KCNH1: variants seen among roughly 807,000 people sequenced by gnomAD.
The protein encoded by KCNH1 is potassium voltage-gated channel subfamily H member 1, also known as voltage-gated delayed rectifier potassium channel KCNH1.
In KCNH1, 27 loss-of-function variants were observed where a neutral mutation model predicts 69.2. That is an observed-to-expected ratio of 0.39 (90% CI 0.29 to 0.54). KCNH1 has a LOEUF of 0.54. KCNH1 is among the 20% of genes least tolerant of loss of function. The pLI is 0.68. For synonymous variants in KCNH1, 456 were observed against 487.7 expected (o/e 0.93, Z 0.86); for missense variants, 798 against 1,261.6 (o/e 0.63, Z 5.57).
intron 6 of KCNH1, among the ~76,000 whole-genome samples, chr1:211,010,587 C>CT (rs760291171): frequency 1.3e-5 from 2 of 152,180 alleles, no homozygotes; most frequent in Non-Finnish European, 2.9e-5. Flanking sequence ...AAATGCTCTA[C>CT]TTCCTCCTCA....
At chr1:211,017,212 GGTAATA>G (rs1404509415) in intron 6 of KCNH1, among the ~76,000 whole-genome samples, 1 of 152,132 alleles carries the variant, frequency 6.6e-6, no homozygotes, top group Non-Finnish European at 1.5e-5. Context: ...AAAGAGAAGT[GGTAATA>G]GTTCTGTTTT....
intron 9 of KCNH1, among the ~76,000 whole-genome samples, chr1:210,781,457 C>T (rs1053639067): frequency 6.6e-6 from 1 of 152,112 alleles, no homozygotes; most frequent in Non-Finnish European, 1.5e-5. Context: ...TCATTCACTT[C>T]ATCAGGATGA....
Position 210,682,724 on chromosome 1 carries a change from G to T in KCNH1, c.*557C>A, listed in dbSNP as rs1262714771. On this transcript the variant is annotated 3_prime_UTR_variant, in exon 11 of 11. Transcript: ENST00000271751. Reference sequence around the variant, plus strand: ...TCTGGCCTTAACCATGAGACAGAAAGTTTCTGAGCTCTACCCTCCTGTCCC... The same window carrying T: ...TCTGGCCTTAACCATGAGACAGAAATTTTCTGAGCTCTACCCTCCTGTCCC... 1 of 153,454 alleles carries T rather than the reference G, an allele frequency of 6.5e-6. No individual in the cohort carries two copies. Among genetic ancestry groups the T allele is most frequent in the Non-Finnish European group, 1.5e-5 (1 of 68,962 alleles). 9.5% of individuals were successfully genotyped at this position (153,454 alleles called of 1,614,324 possible). A position where few individuals can be genotyped will look rare whatever the true frequency, so the allele number is the denominator to read the frequency against.
chr1:211,114,097 C>T (rs191471779), intron 1 of KCNH1, among the ~76,000 whole-genome samples: 75 of 152,160 alleles, frequency 4.9e-4, no homozygotes, highest in African/African-American at 1.5e-3. Flanking sequence ...AACATAAGTT[C>T]GCCAGCTGTG....
intron 7 of KCNH1, chr1:210,859,739 T>C: frequency 2.7e-6 from 3 of 1,106,082 alleles, no homozygotes; most frequent in Middle Eastern, 2.3e-4. Flanking sequence ...CCTTGGGGTA[T>C]CTGTTCCATA....
intron 7 of KCNH1, among the ~76,000 whole-genome samples, chr1:210,903,960 A>G (rs2102539482): frequency 6.6e-6 from 1 of 152,304 alleles, no homozygotes; most frequent in East Asian, 1.9e-4. Context: ...TAGCCAAGCC[A>G]AGGACACCTA....
intron 7 of KCNH1, among the ~76,000 whole-genome samples, chr1:210,821,922 G>T (rs908891987): frequency 6.6e-6 from 1 of 151,592 alleles, no homozygotes; most frequent in Non-Finnish European, 1.5e-5. Flanking sequence ...TTGCAGCCTC[G>T]AACTCCGTGG....
At chr1:210,996,188 C>T (rs1387400101) in intron 6 of KCNH1, among the ~76,000 whole-genome samples, 4 of 152,120 alleles carry the variant, frequency 2.6e-5, no homozygotes, top group Admixed American at 6.5e-5. Flanking sequence ...GGTGAGGCAT[C>T]GCCTCACTCG....
chr1:210,853,962 A>AG (rs60810105), intron 7 of KCNH1, among the ~76,000 whole-genome samples: 1 of 150,342 alleles, frequency 6.7e-6, no homozygotes, highest in East Asian at 1.9e-4. Context: ...AAAAAAAAAA[A>AG]AAAAAAGAAA....
At chr1:210,725,014 T>C (rs772244199) in intron 10 of KCNH1, among the ~76,000 whole-genome samples, 3 of 152,196 alleles carry the variant, frequency 2.0e-5, no homozygotes, top group Non-Finnish European at 4.4e-5. Flanking sequence ...GGAGCCACCA[T>C]GGACACTTTA....
At chr1:211,127,746 C>T (rs888562170) in intron 1 of KCNH1, among the ~76,000 whole-genome samples, 18 of 152,234 alleles carry the variant, frequency 1.2e-4, no homozygotes, top group Admixed American at 3.9e-4. Flanking sequence ...GTGATAGAAA[C>T]GCTCACACAC....
chr1:210,995,268 C>A (rs148870687), intron 6 of KCNH1, among the ~76,000 whole-genome samples: 106 of 152,106 alleles, frequency 7.0e-4, no homozygotes, highest in African/African-American at 2.3e-3. Context: ...TCCTTTTTTC[C>A]CCTTGGAACA....
chr1:210,986,905 T>C (rs1226360025), intron 6 of KCNH1, among the ~76,000 whole-genome samples: 1 of 152,260 alleles, frequency 6.6e-6, no homozygotes, highest in Admixed American at 6.5e-5. Flanking sequence ...ATTCTCCCCA[T>C]CACTTTCAGG....
At position 210,959,420 on chromosome 1, in the gene KCNH1, G is replaced by A. The variant is rs944153350; in HGVS notation, c.1033-39351C>T. The stretch of plus-strand genomic sequence containing the variant: ...GGCCGTCCGTTCTCAGAGCTCAAAC[G>A]CCATGCTGGGAGAACCACTGCTCTC... On this transcript the variant is annotated intron_variant, in intron 6 of 10. Coordinates refer to ENST00000271751, the MANE Select transcript of KCNH1 (RefSeq NM_172362.3). Among the ~76,000 whole-genome samples the A allele has an allele frequency of 6.6e-5, 10 of 152,288 alleles. No individual in the cohort carries two copies. In the South Asian group the frequency reaches 8.3e-4, roughly 13 times the overall value.
intron 5 of KCNH1, among the ~76,000 whole-genome samples, chr1:211,056,002 T>C (rs1208048162): frequency 6.6e-6 from 1 of 152,054 alleles, no homozygotes; most frequent in East Asian, 1.9e-4. Flanking sequence ...CTGTGGTGGC[T>C]ATGGGGAGAG....
chr1:211,116,182 A>C (rs958536574), intron 1 of KCNH1, among the ~76,000 whole-genome samples: 1 of 152,174 alleles, frequency 6.6e-6, no homozygotes, highest in Non-Finnish European at 1.5e-5. Flanking sequence ...AATAGAAAAA[A>C]TATCCTAAAA....
intron 7 of KCNH1, among the ~76,000 whole-genome samples, chr1:210,899,643 T>G (rs2102533762): frequency 6.6e-6 from 1 of 152,326 alleles, no homozygotes; most frequent in East Asian, 1.9e-4. Flanking sequence ...AGACAAGCTC[T>G]CAAAATGTAT....
intron 6 of KCNH1, among the ~76,000 whole-genome samples, chr1:210,957,297 GTTC>G (rs1254890255): frequency 5.3e-5 from 8 of 152,122 alleles, no homozygotes; most frequent in African/African-American, 1.7e-4. Flanking sequence ...TGTGATTTCT[GTTC>G]TTCTACATTT....
At chr1:210,775,320 T>C (rs757543245) in intron 10 of KCNH1, 28 bp downstream of exon 10, 5 of 1,601,330 alleles carry the variant, frequency 3.1e-6, no homozygotes, top group Non-Finnish European at 2.6e-6. Flanking sequence ...CTGTTCTTTG[T>C]GGAAAATAAC....
Sources: allele counts gnomAD v4.1 joint callset (sites outside exome capture counted in the v4.1 genomes callset), GRCh38; gene constraint gnomAD v4.1.1; transcripts MANE v1.5; gene names NCBI Gene and HGNC (gene_info 2026-07-23, HGNC 2026-07-21).